The following ALK variants were observed in gnomAD, a reference collection of about 807,000 sequenced individuals.
The protein encoded by ALK is ALK tyrosine kinase receptor.
Under a neutral mutation model 163.1 loss-of-function variants are expected in ALK, and 74 were observed. The ratio of observed to expected loss-of-function variants is 0.45; its 90% CI spans 0.38 to 0.55. The LOEUF is 0.55. Ranked by LOEUF, ALK falls within the 20% of genes least tolerant of loss-of-function variation. The pLI, the probability that ALK is intolerant of heterozygous loss-of-function variation, is 0.00. For missense variants in ALK, 2,063 were observed against 2,105.3 expected (o/e 0.98, Z 0.39); for synonymous variants, 960 against 843.2 (o/e 1.14, Z -2.40).
chr2:29,334,214 T>A (rs1227412552), intron 5 of ALK, among the ~76,000 whole-genome samples: 2 of 152,190 alleles, frequency 1.3e-5, no homozygotes, highest in African/African-American at 4.8e-5. Flanking sequence ...CTGCTACATA[T>A]CATTACTATG....
At chr2:29,675,475 C>T (rs1677844368) in intron 3 of ALK, among the ~76,000 whole-genome samples, 2 of 151,960 alleles carry the variant, frequency 1.3e-5, no homozygotes, top group African/African-American at 4.8e-5. Context: ...TTTCCTTTGC[C>T]CCCAACCTTC....
intron 3 of ALK, among the ~76,000 whole-genome samples, chr2:29,655,959 C>T (rs903319496): frequency 1.1e-4 from 16 of 152,014 alleles, no homozygotes; most frequent in African/African-American, 3.6e-4. Flanking sequence ...ATGCCTGTGT[C>T]CATATTTATA....
At chr2:29,337,324 G>A (rs1667645710) in intron 5 of ALK, among the ~76,000 whole-genome samples, 1 of 152,196 alleles carries the variant, frequency 6.6e-6, no homozygotes, top group Non-Finnish European at 1.5e-5. Context: ...GGTGGGCTGG[G>A]TAAGAAATCA....
chr2:29,732,946 A>G (rs1400699159), intron 1 of ALK, among the ~76,000 whole-genome samples: 2 of 151,986 alleles, frequency 1.3e-5, no homozygotes, highest in East Asian at 1.9e-4. Flanking sequence ...GGAGACCCCA[A>G]AGATAAAGAC....
chr2:29,522,635 G>A (rs1322116077), intron 4 of ALK, among the ~76,000 whole-genome samples: 1 of 152,036 alleles, frequency 6.6e-6, no homozygotes, highest in East Asian at 1.9e-4. Context: ...ACCCTAAAAG[G>A]GCTTCTCAGA....
chr2:29,556,343 T>C lies in ALK; in HGVS notation c.953-24227A>G, dbSNP rs116768112. Among the ~76,000 whole-genome samples, 1,060 of 152,296 alleles carry C rather than the reference T, an allele frequency of 7.0e-3. 6 individuals are homozygous for C. Among genetic ancestry groups the C allele is most frequent in the African/African-American group, 0.024 (1,014 of 41,568 alleles). On this transcript the variant is annotated intron_variant, in intron 3 of 28. Coordinates refer to ENST00000389048, the MANE Select transcript of ALK (RefSeq NM_004304.5). The stretch of plus-strand genomic sequence containing the variant: ...GGAGAAGTCTCACGGAGGAAACCCA[T>C]GTAAAATGCTTAGCACACTGTGTGG...
In ALK at chr2:29,908,385, T is replaced by C. The variant is rs143129549; in HGVS notation, c.667+11608A>G. ...CTCTCTCCCTTTCTCTAGCCAATTG[T>C]TCTTCATCTGGGCATTATTTTGGCT... On this transcript the variant is annotated intron_variant, in intron 1 of 28. Transcript: ENST00000389048. Among the ~76,000 whole-genome samples, 1,028 of 152,280 alleles carry C rather than the reference T, an allele frequency of 6.8e-3. 4 individuals carry two copies. Among genetic ancestry groups the C allele is most frequent in the Middle Eastern group, 0.01 (3 of 294 alleles).
At chr2:29,502,889 C>A (rs1180766125) in intron 4 of ALK, among the ~76,000 whole-genome samples, 1 of 152,114 alleles carries the variant, frequency 6.6e-6, no homozygotes, top group Admixed American at 6.5e-5. Flanking sequence ...CATGCAGAGA[C>A]CTCCAGTAAA....
At chr2:29,332,389 T>A (rs939325990) in intron 5 of ALK, among the ~76,000 whole-genome samples, 2 of 150,418 alleles carry the variant, frequency 1.3e-5, no homozygotes, top group Non-Finnish European at 3.0e-5. Flanking sequence ...CCACACCTTA[T>A]GTCCCAATGG....
At chr2:29,310,281 T>A (rs1666660823) in intron 8 of ALK, among the ~76,000 whole-genome samples, 1 of 152,176 alleles carries the variant, frequency 6.6e-6, no homozygotes, top group African/African-American at 2.4e-5. Flanking sequence ...CCAGTTTCTG[T>A]ATCAATAAAT....
chr2:29,490,281 G>A lies in ALK; in HGVS notation c.1154+41634C>T, dbSNP rs141761637. Reference sequence around the variant, plus strand: ...GGCGGAGGAGGGGCTAACACTCAGCGTGGCCTGGCTAGCAGAGTCAGATGG... The same window carrying A: ...GGCGGAGGAGGGGCTAACACTCAGCATGGCCTGGCTAGCAGAGTCAGATGG... On this transcript the variant is annotated intron_variant, in intron 4 of 28. Coordinates refer to ENST00000389048, the MANE Select transcript of ALK (RefSeq NM_004304.5). Among the ~76,000 whole-genome samples the A allele has an allele frequency of 1.2e-3, 176 of 152,368 alleles. 1 individual carries two copies. The highest frequency in any genetic ancestry group is 3.7e-3 in the African/African-American group (155 of 41,592).
chr2:29,222,303 C>A (rs2148168373), intron 22 of ALK, 41 bp downstream of exon 22: 1 of 1,586,532 alleles, frequency 6.3e-7, no homozygotes. Flanking sequence ...TCTTTGGGGG[C>A]AGAGGGGAGT....
chr2:29,212,750 A>AC (rs56047793), intron 24 of ALK, among the ~76,000 whole-genome samples: 60,301 of 151,594 alleles, frequency 0.4, 13,746 homozygotes, highest in Non-Finnish European at 0.52. Flanking sequence ...CTTGTTGCCC[A>AC]GGCTGGAGTG....
intron 1 of ALK, among the ~76,000 whole-genome samples, chr2:29,808,960 T>C (rs1664683997): frequency 6.6e-6 from 1 of 152,208 alleles, no homozygotes; most frequent in South Asian, 2.1e-4. Flanking sequence ...AGAGACACTT[T>C]GATGAAGTAA....
In ALK at chr2:29,731,450, T is replaced by C. The variant is rs182376378; in HGVS notation, c.668-13753A>G. 6.6e-3 allele frequency among the ~76,000 whole-genome samples: 1,004 copies of C among 152,286 alleles called. 5 individuals are homozygous for C. The highest frequency in any genetic ancestry group is 0.01 in the Non-Finnish European group (714 of 68,026). On this transcript the variant is annotated intron_variant, in intron 1 of 28. Coordinates refer to ENST00000389048, the MANE Select transcript of ALK (RefSeq NM_004304.5). ...TTTGGCAATGACTCCAGGAGCGGCT[T>C]TCAAGATAATGGACTCTTTTTCTGC...
rs79212666 is a variant in ALK at position 29,849,949 on chromosome 2, G to A, written c.667+70044C>T. Among the ~76,000 whole-genome samples the A allele has an allele frequency of 9.1e-3, 1,390 of 152,224 alleles. 28 individuals are homozygous for A. The highest frequency in any genetic ancestry group is 0.031 in the African/African-American group (1,274 of 41,514). ...CATTGTCAAACACACATACAACAGA[G>A]TACAACAGTTTTAGAGGAGAGGAAA... On this transcript the variant is annotated intron_variant, in intron 1 of 28. Coordinates refer to ENST00000389048, the MANE Select transcript of ALK (RefSeq NM_004304.5).
Position 29,796,833 on chromosome 2 carries a change from A to C in ALK, c.668-79136T>G, listed in dbSNP as rs1268710987. On this transcript the variant is annotated intron_variant, in intron 1 of 28. Coordinates refer to ENST00000389048, the MANE Select transcript of ALK (RefSeq NM_004304.5). Reference sequence around the variant, plus strand: ...GAGAGGAGGTGAGCTACCTTTCATGAGTTTTTTTAAATGTAGAAGAATAAG... The same window carrying C: ...GAGAGGAGGTGAGCTACCTTTCATGCGTTTTTTTAAATGTAGAAGAATAAG... Among the ~76,000 whole-genome samples, 7 of 152,238 alleles carry C rather than the reference A, an allele frequency of 4.6e-5. No individual in the cohort carries two copies. In the East Asian group the frequency reaches 1.3e-3, roughly 29 times the overall value.
At chr2:29,494,802 A>G (rs1671984138) in intron 4 of ALK, among the ~76,000 whole-genome samples, 1 of 151,126 alleles carries the variant, frequency 6.6e-6, no homozygotes, top group South Asian at 2.1e-4. Flanking sequence ...TGCCTAGTAA[A>G]TTCCATGCTA....
intron 4 of ALK, among the ~76,000 whole-genome samples, chr2:29,428,476 C>T (rs893896566): frequency 1.3e-5 from 2 of 151,656 alleles, no homozygotes; most frequent in African/African-American, 4.8e-5. Context: ...TAAAGGAATA[C>T]TGTTTAAAAA....
Sources: allele counts gnomAD v4.1 joint callset (sites outside exome capture counted in the v4.1 genomes callset), GRCh38; gene constraint gnomAD v4.1.1; transcripts MANE v1.5; gene names NCBI Gene and HGNC (gene_info 2026-07-23, HGNC 2026-07-21).